PARD3: variants seen among roughly 807,000 people sequenced by gnomAD.
PARD3 encodes par-3 family cell polarity regulator, also known as partitioning defective 3 homolog.
In PARD3, 75 loss-of-function variants were observed where a neutral mutation model predicts 155.4. The observed-to-expected ratio is 0.48, with a 90% CI of 0.40 to 0.58. The LOEUF is 0.58. Among genes scored for constraint, PARD3 ranks in the 20% least tolerant of loss-of-function variants. The pLI, the probability that PARD3 is intolerant of heterozygous loss-of-function variation, is 0.00. For synonymous variants in PARD3, 576 were observed against 610.5 expected (o/e 0.94, Z 0.83); for missense variants, 1,642 against 1,721.7 (o/e 0.95, Z 0.82).
At chr10:34,308,462 A>G (rs538630020) in intron 20 of PARD3, among the ~76,000 whole-genome samples, 1 of 152,304 alleles carries the variant, frequency 6.6e-6, no homozygotes, top group Non-Finnish European at 1.5e-5. Context: ...TTTTGCTTTT[A>G]TACATTCTTA....
At chr10:34,202,676 G>C (rs913580694) in intron 22 of PARD3, among the ~76,000 whole-genome samples, 2 of 152,002 alleles carry the variant, frequency 1.3e-5, no homozygotes, top group African/African-American at 4.8e-5. Context: ...TTTTGCAAAG[G>C]GTGGCATTTC....
Position 34,322,398 on chromosome 10 carries a change from G to C in PARD3, c.2834-5060C>G, listed in dbSNP as rs564967277. The stretch of plus-strand genomic sequence containing the variant: ...AGAACTCTAGAACTCAAGTTATGTA[G>C]GAAAATGTATTTCCTTATTGTTTGA... On this transcript the variant is annotated intron_variant, in intron 19 of 24. Transcript: ENST00000374788. Among the ~76,000 whole-genome samples, 161 of 152,286 alleles carry C rather than the reference G, an allele frequency of 1.1e-3. 1 individual carries two copies. The highest frequency in any genetic ancestry group is 3.7e-3 in the African/African-American group (153 of 41,558).
intron 14 of PARD3, among the ~76,000 whole-genome samples, chr10:34,354,892 A>G (rs1477153141): frequency 6.6e-6 from 1 of 152,090 alleles, no homozygotes; most frequent in Non-Finnish European, 1.5e-5. Flanking sequence ...TCTGTAGAAA[A>G]ATTTGCCTGA....
chr10:34,619,368 T>C (rs1348611586), intron 2 of PARD3, among the ~76,000 whole-genome samples: 6 of 152,086 alleles, frequency 3.9e-5, no homozygotes, highest in Admixed American at 2.6e-4. Context: ...CATAAAGTCT[T>C]TACGGTGTAG....
intron 5 of PARD3, among the ~76,000 whole-genome samples, chr10:34,435,992 A>C (rs2076168400): frequency 6.6e-6 from 1 of 152,188 alleles, no homozygotes; most frequent in Admixed American, 6.5e-5. Context: ...AAAAACAACA[A>C]CTATCAAATA....
At chr10:34,163,361 T>C (rs182604535) in intron 22 of PARD3, among the ~76,000 whole-genome samples, 9 of 152,284 alleles carry the variant, frequency 5.9e-5, no homozygotes, top group African/African-American at 1.9e-4. Context: ...GTGGCATATA[T>C]GCTGGTTCTT....
chr10:34,521,164 T>C (rs1343426787), intron 2 of PARD3, among the ~76,000 whole-genome samples: 1 of 152,182 alleles, frequency 6.6e-6, no homozygotes, highest in African/African-American at 2.4e-5. Context: ...TTAGTTTCAA[T>C]AATTATCTCC....
intron 5 of PARD3, among the ~76,000 whole-genome samples, chr10:34,422,663 G>A (rs555427373): frequency 6.6e-6 from 1 of 152,102 alleles, no homozygotes; most frequent in East Asian, 1.9e-4. Context: ...CATACAAGTA[G>A]CCAACAGGTA....
chr10:34,744,600 A>G (rs552063055), intron 1 of PARD3, among the ~76,000 whole-genome samples: 28 of 152,364 alleles, frequency 1.8e-4, no homozygotes, highest in African/African-American at 6.5e-4. Context: ...CTTGGCTTTG[A>G]TAACTATTTT....
chr10:34,584,638 G>A (rs1310548742), intron 2 of PARD3, among the ~76,000 whole-genome samples: 3 of 152,048 alleles, frequency 2.0e-5, no homozygotes, highest in Non-Finnish European at 2.9e-5. Flanking sequence ...ATTTTTAAGC[G>A]TCTCTGTGAT....
At chr10:34,441,821 C>T (rs2076479194) in intron 5 of PARD3, among the ~76,000 whole-genome samples, 1 of 152,102 alleles carries the variant, frequency 6.6e-6, no homozygotes, top group South Asian at 2.1e-4. Context: ...TGTTAGAATA[C>T]CAGGGATTCT....
chr10:34,810,758 C>T (rs529124071), intron 1 of PARD3, among the ~76,000 whole-genome samples: 4 of 152,284 alleles, frequency 2.6e-5, no homozygotes, highest in East Asian at 1.9e-4. Context: ...TTCATCTTTA[C>T]GGAGCAGCTA....
chr10:34,124,432 TG>T (rs1947168891), intron 23 of PARD3, among the ~76,000 whole-genome samples: 3 of 152,206 alleles, frequency 2.0e-5, no homozygotes, highest in African/African-American at 7.2e-5. Context: ...CATTAAATCA[TG>T]TGAAGAGTGT....
intron 2 of PARD3, among the ~76,000 whole-genome samples, chr10:34,666,777 T>A (rs1357212665): frequency 6.4e-4 from 11 of 17,056 alleles, no homozygotes; most frequent in South Asian, 5.6e-3. Flanking sequence ...CCCCTCCCCC[T>A]AAAAAAAAAA....
At chr10:34,748,088 C>A (rs540455946) in intron 1 of PARD3, among the ~76,000 whole-genome samples, 1 of 152,156 alleles carries the variant, frequency 6.6e-6, no homozygotes, top group Non-Finnish European at 1.5e-5. Flanking sequence ...GCAGAAAATG[C>A]GGGAGGAGGT....
intron 3 of PARD3, among the ~76,000 whole-genome samples, chr10:34,491,502 CCTCTTGG>C (rs1289328666): frequency 6.6e-6 from 1 of 151,996 alleles, no homozygotes; most frequent in Non-Finnish European, 1.5e-5. Flanking sequence ...TATGTTTGTC[CCTCTTGG>C]GAATGATAAC....
chr10:34,408,668 GGA>G (rs2132275521), intron 5 of PARD3, among the ~76,000 whole-genome samples: 1 of 152,172 alleles, frequency 6.6e-6, no homozygotes, highest in South Asian at 2.1e-4. Context: ...AACATCTGTA[GGA>G]GAGAGGGGCT....
intron 22 of PARD3, among the ~76,000 whole-genome samples, chr10:34,255,217 A>C (rs1347160481): frequency 6.6e-6 from 1 of 152,014 alleles, no homozygotes; most frequent in African/African-American, 2.4e-5. Context: ...TCCTCAAGAC[A>C]CTTGGCTGCC....
intron 2 of PARD3, among the ~76,000 whole-genome samples, chr10:34,604,714 G>A (rs2090082316): frequency 6.6e-6 from 1 of 150,712 alleles, no homozygotes; most frequent in South Asian, 2.1e-4. Context: ...AAATAAAAGT[G>A]TACTTTATTG....
Sources: allele counts gnomAD v4.1 joint callset (sites outside exome capture counted in the v4.1 genomes callset), GRCh38; gene constraint gnomAD v4.1.1; transcripts MANE v1.5; gene names NCBI Gene and HGNC (gene_info 2026-07-23, HGNC 2026-07-21).